FAM78B: variants seen among roughly 807,000 people sequenced by gnomAD.
FAM78B encodes family with sequence similarity 78 member B, also known as protein FAM78B.
Under a neutral mutation model 20.0 loss-of-function variants are expected in FAM78B, and 10 were observed. The ratio of observed to expected loss-of-function variants is 0.50; its 90% CI spans 0.31 to 0.85. The LOEUF (loss-of-function observed/expected upper bound fraction) is 0.85. Among genes scored for constraint, FAM78B ranks in the 40% least tolerant of loss-of-function variants. The probability of loss-of-function intolerance (pLI) is 0.05; values close to 1 mark genes in which losing one functional copy is unlikely to be tolerated. For synonymous variants in FAM78B, 135 were observed against 132.8 expected, an observed-to-expected ratio of 1.02 and a Z score of -0.12; for missense variants, 283 against 345.0, an observed-to-expected ratio of 0.82 and a Z score of 1.42.
chr1:166,109,890 G>GTATATATGTATGTGTATA (rs1557903394), intron 1 of FAM78B, among the ~76,000 whole-genome samples: 2 of 23,192 alleles, frequency 8.6e-5, no homozygotes, highest in African/African-American at 1.8e-4. Flanking sequence ...ATGTATATAT[G>GTATATATGTATGTGTATA]TATATATATA....
In FAM78B at chr1:166,070,424, A is replaced by C; in HGVS notation, c.603T>G (p.Pro201=). Residue 201 remains proline (P), a synonymous_variant, in exon 2 of 2, where the codon CCT becomes CCG. Transcript: ENST00000354422. ...WRMRVDIEVD[P]LQLLGQRARL... Reference sequence around the variant, plus strand: ...GGGCCCGCTGCCCCAAGAGCTGAAGAGGGTCCACTTCAATGTCCACCCTCA... The same window carrying C: ...GGGCCCGCTGCCCCAAGAGCTGAAGCGGGTCCACTTCAATGTCCACCCTCA... 1 of 1,614,196 alleles carries C rather than the reference A, an allele frequency of 6.2e-7. No individual in the cohort carries two copies. The highest frequency in any genetic ancestry group is 8.5e-7 in the Non-Finnish European group (1 of 1,180,030).
intron 1 of FAM78B, among the ~76,000 whole-genome samples, chr1:166,141,978 G>A (rs1238336806): frequency 6.6e-6 from 1 of 152,146 alleles, no homozygotes; most frequent in East Asian, 1.9e-4. Context: ...AAGTTGTGGT[G>A]TTCTCTCCTG....
chr1:166,066,881 A>C (rs946164051), downstream of FAM78B, among the ~76,000 whole-genome samples: 3 of 152,146 alleles, frequency 2.0e-5, no homozygotes, highest in Non-Finnish European at 2.9e-5. Flanking sequence ...GAGATTCGGG[A>C]GATGTGCTTG....
At chr1:166,155,717 A>G (rs1655866205) in intron 1 of FAM78B, among the ~76,000 whole-genome samples, 1 of 152,180 alleles carries the variant, frequency 6.6e-6, no homozygotes, top group Admixed American at 6.5e-5. Flanking sequence ...CAAAAAATCT[A>G]TTCTTGAATT....
downstream of FAM78B, among the ~76,000 whole-genome samples, chr1:166,066,447 T>A (rs1651798546): frequency 6.6e-6 from 1 of 152,214 alleles, no homozygotes; most frequent in Non-Finnish European, 1.5e-5. Flanking sequence ...CCTTTTCTTT[T>A]GTGCCCTCTA....
chr1:166,074,957 G>A (rs1446872207), intron 1 of FAM78B, among the ~76,000 whole-genome samples: 2 of 152,156 alleles, frequency 1.3e-5, no homozygotes, highest in East Asian at 1.9e-4. Context: ...ATAGAGATAG[G>A]CATTCCAGGT....
chr1:166,109,926 A>G (rs1193648932), intron 1 of FAM78B, among the ~76,000 whole-genome samples: 1 of 120,986 alleles, frequency 8.3e-6, no homozygotes, highest in Non-Finnish European at 1.8e-5. Flanking sequence ...ATATAATGGA[A>G]TACTATGCAG....
At chr1:166,109,316 AAAAC>A (rs1272468441) in intron 1 of FAM78B, among the ~76,000 whole-genome samples, 9 of 152,212 alleles carry the variant, frequency 5.9e-5, no homozygotes, top group African/African-American at 1.4e-4. Context: ...CAGTAAGAAA[AAAAC>A]AAACAATCCA....
downstream of FAM78B, among the ~76,000 whole-genome samples, chr1:166,066,552 G>A (rs796630393): frequency 1.2e-4 from 18 of 152,218 alleles, no homozygotes; most frequent in African/African-American, 4.3e-4. Flanking sequence ...CTGACATTTT[G>A]TTTGTGTACT....
At chr1:166,058,900 G>A (rs1651463260) in exon 3 of FAM78B, 1 of 152,458 alleles carries the variant, frequency 6.6e-6, no homozygotes, top group Admixed American at 6.6e-5. Flanking sequence ...AGATGGCTGA[G>A]GAGGTTGGTT....
chr1:166,093,227 G>A (rs1392735422), intron 1 of FAM78B, among the ~76,000 whole-genome samples: 1 of 152,128 alleles, frequency 6.6e-6, no homozygotes, highest in African/African-American at 2.4e-5. Flanking sequence ...TGCAGTTTGT[G>A]AGAAATGGTC....
chr1:166,085,240 T>G (rs1377132073), intron 1 of FAM78B, among the ~76,000 whole-genome samples: 1 of 152,210 alleles, frequency 6.6e-6, no homozygotes, highest in Non-Finnish European at 1.5e-5. Flanking sequence ...CTAGTTTTTT[T>G]GTGGCTGAAT....
At chr1:166,113,800 G>C (rs760862404) in intron 1 of FAM78B, among the ~76,000 whole-genome samples, 24 of 152,228 alleles carry the variant, frequency 1.6e-4, no homozygotes, top group Non-Finnish European at 1.0e-4. Context: ...AGATGGGCCA[G>C]TGTGCAGATG....
At chr1:166,143,718 G>A (rs1004075786) in intron 1 of FAM78B, among the ~76,000 whole-genome samples, 3 of 152,102 alleles carry the variant, frequency 2.0e-5, no homozygotes, top group African/African-American at 7.2e-5. Context: ...GTTGCTCTAA[G>A]GAAGTGGGGT....
chr1:166,165,939 G>A (rs764699980), intron 1 of FAM78B, 47 bp downstream of exon 1: 1 of 1,611,594 alleles, frequency 6.2e-7, no homozygotes, highest in Non-Finnish European at 8.5e-7. Flanking sequence ...GGCAAGCAGA[G>A]CTGGGGGCCC....
At chr1:166,129,281 G>A (rs1320866663) in intron 1 of FAM78B, among the ~76,000 whole-genome samples, 6 of 152,268 alleles carry the variant, frequency 3.9e-5, no homozygotes, top group African/African-American at 1.4e-4. Flanking sequence ...TGCTCCTGCT[G>A]TTAACTTAGT....
chr1:166,091,010 T>C (rs1557896305), intron 1 of FAM78B, among the ~76,000 whole-genome samples: 1 of 152,130 alleles, frequency 6.6e-6, no homozygotes, highest in Non-Finnish European at 1.5e-5. Flanking sequence ...GTGAAGAAAC[T>C]GGCCTAGGGC....
chr1:166,155,247 C>T (rs908048990), intron 1 of FAM78B, among the ~76,000 whole-genome samples: 6 of 152,228 alleles, frequency 3.9e-5, no homozygotes, highest in Admixed American at 3.9e-4. Flanking sequence ...GACATTCATT[C>T]ATTCAACCCT....
intron 1 of FAM78B, among the ~76,000 whole-genome samples, chr1:166,123,337 C>A (rs1410653535): frequency 6.6e-6 from 1 of 152,202 alleles, no homozygotes; most frequent in Admixed American, 6.5e-5. Context: ...GGCCACCTTG[C>A]CGCTCCCATA....
Sources: allele counts gnomAD v4.1 joint callset (sites outside exome capture counted in the v4.1 genomes callset), GRCh38; gene constraint gnomAD v4.1.1; transcripts MANE v1.5; gene names NCBI Gene and HGNC (gene_info 2026-07-23, HGNC 2026-07-21).